The following PPM1L variants were observed in gnomAD, a reference collection of about 807,000 sequenced individuals.
The protein encoded by PPM1L is protein phosphatase, Mg2+/Mn2+ dependent 1L.
PPM1L carries 13 observed loss-of-function variants against 31.4 expected under a neutral mutation model. That is an observed-to-expected ratio of 0.41 (90% CI 0.27 to 0.66). The LOEUF is 0.66. Among genes scored for constraint, PPM1L ranks in the 30% least tolerant of loss-of-function variants. The pLI is 0.29. For missense variants in PPM1L, 326 were observed against 453.7 expected (o/e 0.72, Z 2.56); for synonymous variants, 184 against 175.4 (o/e 1.05, Z -0.39).
chr3:161,003,220 C>CA (rs1396977196), intron 2 of PPM1L, among the ~76,000 whole-genome samples: 1 of 151,100 alleles, frequency 6.6e-6, no homozygotes, highest in African/African-American at 2.4e-5. Flanking sequence ...GTACCAGTAC[C>CA]ATGCTGTTTT....
chr3:160,878,681 T>C (rs1044270647), intron 1 of PPM1L, among the ~76,000 whole-genome samples: 3 of 152,164 alleles, frequency 2.0e-5, no homozygotes, highest in African/African-American at 7.2e-5. Context: ...CAGGGCCCCT[T>C]TCAGATTGGC....
chr3:160,876,395 A>G (rs1228143842), intron 1 of PPM1L, among the ~76,000 whole-genome samples: 3 of 152,230 alleles, frequency 2.0e-5, no homozygotes, highest in African/African-American at 7.2e-5. Flanking sequence ...TTGAAGAAGA[A>G]CAAAGAAAAC....
intron 2 of PPM1L, among the ~76,000 whole-genome samples, chr3:160,980,788 G>A (rs534575543): frequency 6.3e-4 from 95 of 150,044 alleles, no homozygotes; most frequent in African/African-American, 2.1e-3. Context: ...GAGAGGGAGG[G>A]AGGGAAGGGA....
At chr3:161,057,499 A>G (rs1339703611) in intron 2 of PPM1L, among the ~76,000 whole-genome samples, 1 of 152,104 alleles carries the variant, frequency 6.6e-6, no homozygotes, top group Non-Finnish European at 1.5e-5. Context: ...ATGAAGAATC[A>G]TAGTAATCTT....
At chr3:161,052,546 T>G (rs1303455999) in intron 2 of PPM1L, among the ~76,000 whole-genome samples, 1 of 152,226 alleles carries the variant, frequency 6.6e-6, no homozygotes, top group African/African-American at 2.4e-5. Context: ...TAACTATTTC[T>G]TTTTCTTTGC....
At chr3:160,941,654 C>G (rs1439167492) in intron 1 of PPM1L, among the ~76,000 whole-genome samples, 1 of 152,114 alleles carries the variant, frequency 6.6e-6, no homozygotes, top group Non-Finnish European at 1.5e-5. Flanking sequence ...ACTCTTAAGT[C>G]CAATTAAGAC....
At chr3:160,810,505 C>T (rs1267710089) in intron 1 of PPM1L, among the ~76,000 whole-genome samples, 1 of 152,086 alleles carries the variant, frequency 6.6e-6, no homozygotes, top group African/African-American at 2.4e-5. Context: ...CCCTGGTGGC[C>T]ACCTTCTTTT....
chr3:160,877,315 T>A (rs2108034593), intron 1 of PPM1L, among the ~76,000 whole-genome samples: 1 of 152,298 alleles, frequency 6.6e-6, no homozygotes, highest in East Asian at 1.9e-4. Context: ...TCCAAGTTCG[T>A]GGCAAGCTAA....
chr3:160,787,482 A>T (rs116445955), intron 1 of PPM1L, among the ~76,000 whole-genome samples: 7,452 of 152,110 alleles, frequency 0.049, 204 homozygotes, highest in East Asian at 0.073. Context: ...TTCCTCATAG[A>T]TTCTGGATAT....
chr3:160,781,680 C>T (rs722872), intron 1 of PPM1L, among the ~76,000 whole-genome samples: 1 of 152,156 alleles, frequency 6.6e-6, no homozygotes. Context: ...AAGTAATGGA[C>T]TACAGTGTGT....
At chr3:160,898,323 A>G (rs555168465) in intron 1 of PPM1L, among the ~76,000 whole-genome samples, 10 of 152,220 alleles carry the variant, frequency 6.6e-5, no homozygotes, top group Non-Finnish European at 1.5e-4. Context: ...GGCCTTTCTT[A>G]AGTCCAGAAA....
chr3:160,932,383 T>G (rs1016263592), intron 1 of PPM1L, among the ~76,000 whole-genome samples: 3 of 152,174 alleles, frequency 2.0e-5, no homozygotes, highest in Non-Finnish European at 4.4e-5. Context: ...ATTAAGAAAC[T>G]TTGTTTCTGA....
At chr3:161,064,362 A>C (rs895003115) in intron 2 of PPM1L, among the ~76,000 whole-genome samples, 1 of 146,566 alleles carries the variant, frequency 6.8e-6, no homozygotes, top group Admixed American at 6.9e-5. Flanking sequence ...GCAAGACCCT[A>C]TCTCTTAAAA....
chr3:160,811,403 G>A (rs1300300939), intron 1 of PPM1L, among the ~76,000 whole-genome samples: 2 of 152,238 alleles, frequency 1.3e-5, no homozygotes, highest in Non-Finnish European at 2.9e-5. Context: ...ACAAACTATG[G>A]CCTGTGGCCA....
At chr3:161,030,295 A>G (rs1718526596) in intron 2 of PPM1L, among the ~76,000 whole-genome samples, 3 of 152,112 alleles carry the variant, frequency 2.0e-5, no homozygotes, top group Admixed American at 6.5e-5. Context: ...TTCGCCATGT[A>G]AGGACACAGC....
At chr3:160,768,265 T>C (rs942478532) in intron 1 of PPM1L, among the ~76,000 whole-genome samples, 4 of 152,208 alleles carry the variant, frequency 2.6e-5, no homozygotes, top group Admixed American at 2.0e-4. Context: ...ACATGAAATA[T>C]CTATTTTTAA....
chr3:160,908,910 G>A (rs1713857549), intron 1 of PPM1L, among the ~76,000 whole-genome samples: 1 of 152,124 alleles, frequency 6.6e-6, no homozygotes, highest in Admixed American at 6.5e-5. Context: ...GGAATGGCAT[G>A]AATAAGGCAC....
At chr3:160,924,883 C>G (rs200325137) in intron 1 of PPM1L, among the ~76,000 whole-genome samples, 1 of 152,138 alleles carries the variant, frequency 6.6e-6, no homozygotes, top group Non-Finnish European at 1.5e-5. Context: ...GGAAACAATT[C>G]GCATTTAGAT....
chr3:160,861,942 C>T, intron 1 of PPM1L, among the ~76,000 whole-genome samples: 1 of 152,132 alleles, frequency 6.6e-6, no homozygotes, highest in East Asian at 1.9e-4. Context: ...TCATAAAGAC[C>T]TCTGTGCCCA....
Sources: allele counts gnomAD v4.1 joint callset (sites outside exome capture counted in the v4.1 genomes callset), GRCh38; gene constraint gnomAD v4.1.1; transcripts MANE v1.5; gene names NCBI Gene and HGNC (gene_info 2026-07-23, HGNC 2026-07-21).